ADGRV1: variants seen among roughly 807,000 people sequenced by gnomAD.
ADGRV1 encodes G-protein coupled receptor 98.
ADGRV1 carries 359 observed loss-of-function variants against 596.2 expected under a neutral mutation model. The observed-to-expected ratio is 0.60, with a 90% CI of 0.55 to 0.66. The LOEUF (loss-of-function observed/expected upper bound fraction) is 0.66. Ranked by LOEUF, ADGRV1 falls within the 30% of genes least tolerant of loss-of-function variation. ADGRV1 has a pLI of 0.00. For synonymous variants in ADGRV1, 2,681 were observed against 2,679.2 expected (o/e 1.00, Z -0.02); for missense variants, 7,274 against 7,575.6 (o/e 0.96, Z 1.48).
intron 86 of ADGRV1, among the ~76,000 whole-genome samples, chr5:91,077,570 A>G (rs1788962176): frequency 6.6e-6 from 1 of 152,240 alleles, no homozygotes; most frequent in Non-Finnish European, 1.5e-5. Context: ...ACTCAGTGCT[A>G]TAGATGCCCA....
At chr5:90,638,539 G>GTT (rs56085950) in intron 11 of ADGRV1, among the ~76,000 whole-genome samples, 59 of 148,576 alleles carry the variant, frequency 4.0e-4, no homozygotes, top group South Asian at 2.3e-3. Context: ...CTCTCAAAGA[G>GTT]TTTTTTTTTT....
intron 83 of ADGRV1, among the ~76,000 whole-genome samples, chr5:90,869,466 G>T (rs2150488760): frequency 6.6e-6 from 1 of 152,152 alleles, no homozygotes; most frequent in South Asian, 2.1e-4. Flanking sequence ...GATTGATCTG[G>T]CAATGAAGGA....
intron 83 of ADGRV1, among the ~76,000 whole-genome samples, chr5:90,906,300 T>C (rs1311693966): frequency 1.3e-5 from 2 of 152,066 alleles, no homozygotes; most frequent in African/African-American, 2.4e-5. Flanking sequence ...TTGGGTAGGA[T>C]TGGTATTAGT....
intron 2 of ADGRV1, among the ~76,000 whole-genome samples, chr5:90,615,632 T>G: frequency 6.6e-6 from 1 of 151,894 alleles, no homozygotes; most frequent in East Asian, 1.9e-4. Context: ...ACTTTTTGTT[T>G]GCAAAAATAA....
intron 45 of ADGRV1, among the ~76,000 whole-genome samples, chr5:90,722,569 C>A (rs1751197253): frequency 6.6e-6 from 1 of 151,012 alleles, no homozygotes; most frequent in South Asian, 2.1e-4. Context: ...AAAAAATTAG[C>A]CGGGCTTGGT....
At chr5:90,960,151 A>C (rs911635583) in intron 83 of ADGRV1, among the ~76,000 whole-genome samples, 1 of 146,736 alleles carries the variant, frequency 6.8e-6, no homozygotes. Flanking sequence ...AAAAAAAAAA[A>C]AACAAAAAAC....
intron 70 of ADGRV1, among the ~76,000 whole-genome samples, chr5:90,802,534 T>C (rs1184050999): frequency 6.6e-6 from 1 of 152,064 alleles, no homozygotes; most frequent in East Asian, 1.9e-4. Context: ...CCCAGCCAAT[T>C]TGTAGTTTTT....
intron 85 of ADGRV1, among the ~76,000 whole-genome samples, chr5:91,008,154 G>A (rs112555931): frequency 1.2e-4 from 18 of 152,078 alleles, no homozygotes; most frequent in Non-Finnish European, 2.2e-4. Flanking sequence ...TTATAAAGGC[G>A]ATGTCTCATT....
chr5:90,985,964 AGT>A (rs1780458701), intron 85 of ADGRV1, among the ~76,000 whole-genome samples: 1 of 151,948 alleles, frequency 6.6e-6, no homozygotes. Context: ...GTGAATGGAG[AGT>A]GTCTGAAGAA....
chr5:91,137,035 G>A (rs776032989), intron 87 of ADGRV1, among the ~76,000 whole-genome samples: 19 of 152,178 alleles, frequency 1.2e-4, no homozygotes, highest in Non-Finnish European at 2.1e-4. Context: ...GTTGATTTGA[G>A]GTCATGGCAA....
chr5:90,810,134 C>A, intron 73 of ADGRV1, 99 bp from the exon 74 acceptor site: 1 of 988,498 alleles, frequency 1.0e-6, no homozygotes, highest in Non-Finnish European at 1.5e-6. Context: ...AGTTGCTGCC[C>A]TCATGAGCAG....
chr5:90,653,680 G>T lies in ADGRV1; in HGVS notation c.4106G>T (p.Gly1369Val), dbSNP rs1476197146. Reference protein sequence around the residue: ...AWVMPNANTNGFIIAKDDGNG... With the variant: ...AWVMPNANTNVFIIAKDDGNG... ...GTAATGCCCAATGCCAATACGAATG[G>T]ATTCATTATAGCGAAGGATGACGGT... The change falls in exon 20 of 90, where the codon GGA (glycine) becomes GTA (valine). Residue 1369 changes from glycine to valine, a missense_variant. By Grantham distance (109) the Gly-to-Val change is moderately radical. This residue lies in a region of ADGRV1 where 1,715 missense variants were observed against 1,708.8 expected (regional missense o/e 1.00). Transcript: ENST00000405460. The T allele has an allele frequency of 6.2e-7, 1 of 1,613,358 alleles. No individual in the cohort carries two copies. Among genetic ancestry groups the T allele is most frequent in the Non-Finnish European group, 8.5e-7 (1 of 1,179,650 alleles).
chr5:90,924,324 T>C (rs1774195665), intron 83 of ADGRV1, among the ~76,000 whole-genome samples: 1 of 151,766 alleles, frequency 6.6e-6, no homozygotes, highest in South Asian at 2.1e-4. Context: ...ATTGCCATTC[T>C]AACTGGTGTG....
intron 83 of ADGRV1, among the ~76,000 whole-genome samples, chr5:90,887,259 C>G (rs1770398240): frequency 6.6e-6 from 1 of 152,120 alleles, no homozygotes; most frequent in African/African-American, 2.4e-5. Context: ...CTGGCATGCT[C>G]TTTTCACTGA....
chr5:90,763,576 G>A, intron 59 of ADGRV1, 107 bp downstream of exon 59: 3 of 1,104,502 alleles, frequency 2.7e-6, no homozygotes, highest in South Asian at 1.5e-5. Context: ...TTGTTACATG[G>A]GTATATTGCA....
intron 83 of ADGRV1, among the ~76,000 whole-genome samples, chr5:90,943,052 G>A (rs1185594568): frequency 6.6e-6 from 1 of 152,100 alleles, no homozygotes; most frequent in African/African-American, 2.4e-5. Flanking sequence ...GACTAAACTG[G>A]CTGTCACATG....
rs759170013 is a variant in ADGRV1 at position 91,072,504 on chromosome 5, G to T, written c.18210G>T (p.Thr6070=). The T allele has an allele frequency of 2.5e-6, 4 of 1,613,744 alleles. No individual in the cohort carries two copies. The highest frequency in any genetic ancestry group is 2.2e-5 in the East Asian group (1 of 44,874). ...TCACTGCAGCTCTTGTTCCTTTGACGTGCCTCGTGGTGGTGTTCGTGGTGT... is the reference window on the plus strand; with the variant it reads ...TCACTGCAGCTCTTGTTCCTTTGACTTGCCTCGTGGTGGTGTTCGTGGTGT... The part of the protein sequence containing the change: ...ALFTAALVPL[T]CLVVVFVVFI... Residue 6070 remains threonine, a synonymous_variant, in exon 86 of 90, where the codon ACG becomes ACT. Transcript: ENST00000405460.
chr5:91,039,793 A>G (rs1785190540), intron 85 of ADGRV1, among the ~76,000 whole-genome samples: 1 of 152,154 alleles, frequency 6.6e-6, no homozygotes. Flanking sequence ...AGATGGAAGG[A>G]CTGTAGTATG....
At chr5:90,924,908 G>A (rs28799626) in intron 83 of ADGRV1, among the ~76,000 whole-genome samples, 4,851 of 151,784 alleles carry the variant, frequency 0.032, 171 homozygotes, top group East Asian at 0.14. Flanking sequence ...CCCATTGCTT[G>A]TTTTTCTCAG....
Sources: gnomAD v4.1 joint callset for allele counts (sites outside exome capture counted in the v4.1 genomes callset) on GRCh38, gnomAD v4.1.1 for gene constraint, gnomAD v4.1.1 regional missense constraint, MANE v1.5 for transcripts, NCBI Gene and HGNC (gene_info 2026-07-23, HGNC 2026-07-21) for gene names.